Variants in DLGAP1 observed in about 807,000 individuals in gnomAD.
The protein encoded by DLGAP1 is disks large-associated protein 1.
In DLGAP1, 11 loss-of-function variants were observed where a neutral mutation model predicts 90.8. That is an observed-to-expected ratio of 0.12 (90% CI 0.08 to 0.20). The LOEUF (loss-of-function observed/expected upper bound fraction) is 0.20. Ranked by LOEUF, DLGAP1 falls within the 10% of genes least tolerant of loss-of-function variation. The pLI is 1.00. For missense variants in DLGAP1, 1,050 were observed against 1,333.8 expected, an observed-to-expected ratio of 0.79 and a Z score of 3.31; for synonymous variants, 558 against 540.7, an observed-to-expected ratio of 1.03 and a Z score of -0.44.
intron 7 of DLGAP1, among the ~76,000 whole-genome samples, chr18:3,631,861 G>A (rs1003463639): frequency 6.6e-6 from 1 of 152,138 alleles, no homozygotes; most frequent in Non-Finnish European, 1.5e-5. Context: ...ATAGTTCATT[G>A]CAACCTCGAC....
chr18:3,539,386 T>C (rs1015902788), intron 9 of DLGAP1, among the ~76,000 whole-genome samples: 26 of 152,210 alleles, frequency 1.7e-4, no homozygotes, highest in Non-Finnish European at 3.1e-4. Context: ...GCAGGCACAG[T>C]GTGTAATAAT....
At chr18:4,216,273 C>T (rs1248966491) in intron 1 of DLGAP1, among the ~76,000 whole-genome samples, 1 of 135,068 alleles carries the variant, frequency 7.4e-6, no homozygotes, top group Non-Finnish European at 1.6e-5. Flanking sequence ...TGAGTGTAAC[C>T]GCTCTCGTGA....
chr18:4,372,916 A>G (rs1210479606), intron 1 of DLGAP1, among the ~76,000 whole-genome samples: 1 of 151,546 alleles, frequency 6.6e-6, no homozygotes. Flanking sequence ...CCACAGAGCG[A>G]GACTCCATCT....
intron 10 of DLGAP1, among the ~76,000 whole-genome samples, chr18:3,533,786 A>T (rs2052162573): frequency 6.6e-6 from 1 of 152,106 alleles, no homozygotes; most frequent in South Asian, 2.1e-4. Flanking sequence ...TTTTGTGGGT[A>T]TATAGTAGAT....
At chr18:3,901,485 C>T (rs1278726860) in intron 3 of DLGAP1, among the ~76,000 whole-genome samples, 1 of 152,104 alleles carries the variant, frequency 6.6e-6, no homozygotes, top group African/African-American at 2.4e-5. Context: ...AAAAGCTGAA[C>T]CACATGAAGG....
chr18:3,645,575 T>C (rs2059090809), intron 7 of DLGAP1, among the ~76,000 whole-genome samples: 1 of 152,154 alleles, frequency 6.6e-6, no homozygotes, highest in African/African-American at 2.4e-5. Flanking sequence ...AGCCCTCCCC[T>C]TCCTGTTTGC....
chr18:3,670,698 A>G (rs565317203), intron 7 of DLGAP1, among the ~76,000 whole-genome samples: 1 of 152,338 alleles, frequency 6.6e-6, no homozygotes, highest in African/African-American at 2.4e-5. Flanking sequence ...TTTCTAATTA[A>G]TGTCTAGTTC....
intron 7 of DLGAP1, among the ~76,000 whole-genome samples, chr18:3,716,835 T>A (rs537292119): frequency 7.9e-5 from 12 of 152,156 alleles, no homozygotes; most frequent in South Asian, 4.1e-4. Context: ...TAAACTTTTT[T>A]AAAACATTTG....
chr18:4,077,587 C>A (rs1464894970), intron 2 of DLGAP1, among the ~76,000 whole-genome samples: 1 of 152,112 alleles, frequency 6.6e-6, no homozygotes, highest in Non-Finnish European at 1.5e-5. Context: ...GCCTGACCCA[C>A]CCTGCTTCCT....
intron 1 of DLGAP1, among the ~76,000 whole-genome samples, chr18:4,317,347 G>T (rs1195867191): frequency 6.6e-6 from 1 of 152,136 alleles, no homozygotes; most frequent in Non-Finnish European, 1.5e-5. Context: ...AGCTGGACTT[G>T]TAACATGTTT....
chr18:3,970,251 T>C (rs1474426107), intron 3 of DLGAP1, among the ~76,000 whole-genome samples: 1 of 152,212 alleles, frequency 6.6e-6, no homozygotes, highest in Non-Finnish European at 1.5e-5. Flanking sequence ...GTTTTAGTTT[T>C]AAATCTCATA....
At position 4,378,287 on chromosome 18, in the gene DLGAP1, A is replaced by G. The variant is rs2082053803; in HGVS notation, c.-267+76719T>C. Among the ~76,000 whole-genome samples, 1 of 151,932 alleles carries G rather than the reference A, an allele frequency of 6.6e-6. No individual in the cohort carries two copies. Among genetic ancestry groups the G allele is most frequent in the East Asian group, 1.9e-4 (1 of 5,184 alleles). On this transcript the variant is annotated intron_variant, in intron 1 of 12. Coordinates refer to ENST00000315677, the MANE Select transcript of DLGAP1 (RefSeq NM_004746.4). The surrounding 1 kb of genome is among the most constrained non-coding windows in gnomAD (Gnocchi z 4.5). The stretch of plus-strand genomic sequence containing the variant: ...ATTTTACATTTTATTTTTCACATTT[A>G]GTTTTGTGTTACTTACATTGAACAT...
At chr18:3,554,985 T>C (rs941783197) in intron 9 of DLGAP1, among the ~76,000 whole-genome samples, 1 of 152,144 alleles carries the variant, frequency 6.6e-6, no homozygotes, top group African/African-American at 2.4e-5. Context: ...AAGGAAGAGA[T>C]AAGTTGTTAA....
rs147755526 is a variant in DLGAP1 at position 4,150,173 on chromosome 18, T to C, written c.-159+1007A>G. The stretch of plus-strand genomic sequence containing the variant: ...ATCTTTGGATCAGCTCCCTAATAAA[T>C]TGCCATACCCAAGTCACTGTCTCAA... On this transcript the variant is annotated intron_variant, in intron 2 of 12. Coordinates refer to ENST00000315677, the MANE Select transcript of DLGAP1 (RefSeq NM_004746.4). Among the ~76,000 whole-genome samples, 123 of 152,272 alleles carry C rather than the reference T, an allele frequency of 8.1e-4. 1 individual carries two copies. The Middle Eastern group carries it at 0.017, about 21-fold the overall frequency.
intron 5 of DLGAP1, among the ~76,000 whole-genome samples, chr18:3,786,355 C>G (rs1477128741): frequency 6.6e-6 from 1 of 152,070 alleles, no homozygotes; most frequent in African/African-American, 2.4e-5. Flanking sequence ...ACTAGATAGG[C>G]CCCTATGTAG....
At chr18:3,871,137 C>T (rs1279744436) in intron 4 of DLGAP1, among the ~76,000 whole-genome samples, 1 of 152,224 alleles carries the variant, frequency 6.6e-6, no homozygotes, top group Admixed American at 6.5e-5. Flanking sequence ...GGTAGCCAGG[C>T]AGTGAGCCTG....
chr18:4,371,550 T>C (rs555438409), intron 1 of DLGAP1, among the ~76,000 whole-genome samples: 9 of 152,256 alleles, frequency 5.9e-5, no homozygotes, highest in Non-Finnish European at 1.2e-4. Flanking sequence ...CTGCTCTATT[T>C]AGGACTGCCC....
intron 5 of DLGAP1, among the ~76,000 whole-genome samples, chr18:3,813,335 T>C (rs909336520): frequency 3.9e-5 from 6 of 152,182 alleles, no homozygotes; most frequent in Non-Finnish European, 8.8e-5. Flanking sequence ...GTTTGCAACT[T>C]AGGAGCAATA....
At chr18:3,954,271 T>C (rs1342305062) in intron 3 of DLGAP1, among the ~76,000 whole-genome samples, 1 of 152,180 alleles carries the variant, frequency 6.6e-6, no homozygotes, top group Admixed American at 6.5e-5. Flanking sequence ...TCATAATAAA[T>C]TAGAACTATG....
Sources: allele counts gnomAD v4.1 joint callset (sites outside exome capture counted in the v4.1 genomes callset), GRCh38; gene constraint gnomAD v4.1.1; non-coding constraint Gnocchi (gnomAD v3.1); transcripts MANE v1.5; gene names NCBI Gene and HGNC (gene_info 2026-07-23, HGNC 2026-07-21).